The following NXN variants were observed in gnomAD, a reference collection of about 807,000 sequenced individuals.
The protein encoded by NXN is nucleoredoxin.
In NXN, 16 loss-of-function variants were observed where a neutral mutation model predicts 48.6. The observed-to-expected ratio is 0.33, with a 90% CI of 0.22 to 0.50. The LOEUF (loss-of-function observed/expected upper bound fraction) is 0.50. NXN is among the 20% of genes least tolerant of loss of function. The pLI, the probability that NXN is intolerant of heterozygous loss-of-function variation, is 0.98. For synonymous variants in NXN, 281 were observed against 269.6 expected, an observed-to-expected ratio of 1.04 and a Z score of -0.41; for missense variants, 492 against 605.5, an observed-to-expected ratio of 0.81 and a Z score of 1.97.
rs552708980 is a variant in NXN, at chr17:841,360, C to A, written c.361-15282G>T. ...GCCGCCAACCCTGCCAGGGCTGGGA[C>A]CCAGAGCAGCCCACACACGGTGCAT... On this transcript the variant is annotated intron_variant, in intron 1 of 7. Transcript: ENST00000336868. 2.7e-5 allele frequency among the ~76,000 whole-genome samples: 4 copies of A among 145,574 alleles called. 1 individual carries two copies. The highest frequency in any genetic ancestry group is 6.0e-5 in the Non-Finnish European group (4 of 66,478).
At position 840,964 on chromosome 17, in the gene NXN, C is replaced by T. The variant is rs150460409; in HGVS notation, c.361-14886G>A. On this transcript the variant is annotated intron_variant, in intron 1 of 7. Transcript: ENST00000336868. ...GTTCTGGCAGCCCCCACTCCTCCAC[C>T]GCACGGCGGCGGGAGGCAGAGTGTA... 1.3e-3 allele frequency among the ~76,000 whole-genome samples: 196 copies of T among 152,328 alleles called. No homozygotes were observed. In the South Asian group the frequency reaches 0.02, roughly 15 times the overall value.
intron 5 of NXN, among the ~76,000 whole-genome samples, chr17:815,228 T>C (rs532030): frequency 0.71 from 107,462 of 151,518 alleles, 39,741 homozygotes; most frequent in African/African-American, 0.91. Flanking sequence ...TCCATCCATA[T>C]GATGAGGGCC....
At chr17:805,772 A>G (rs1325840668) in intron 5 of NXN, among the ~76,000 whole-genome samples, 1 of 152,128 alleles carries the variant, frequency 6.6e-6, no homozygotes, top group Non-Finnish European at 1.5e-5. Flanking sequence ...CGGGAGGTGG[A>G]GGTTGCAGTG....
chr17:848,894 A>G (rs566865028), intron 1 of NXN, among the ~76,000 whole-genome samples: 1 of 152,292 alleles, frequency 6.6e-6, no homozygotes, highest in Non-Finnish European at 1.5e-5. Context: ...CCAAGTACCT[A>G]TCCACTGCTC....
At chr17:836,645 G>A (rs142865999) in intron 1 of NXN, among the ~76,000 whole-genome samples, 426 of 152,258 alleles carry the variant, frequency 2.8e-3, no homozygotes, top group African/African-American at 9.9e-3. Flanking sequence ...TTATTAGTGG[G>A]TGACCCTGGT....
intron 1 of NXN, among the ~76,000 whole-genome samples, chr17:967,916 A>G (rs1432847388): frequency 6.6e-6 from 1 of 152,018 alleles, no homozygotes; most frequent in African/African-American, 2.4e-5. Flanking sequence ...AGCTTGCAGC[A>G]AGCTGAGATC....
chr17:892,730 G>A (rs549488225), intron 1 of NXN, among the ~76,000 whole-genome samples: 4 of 152,314 alleles, frequency 2.6e-5, no homozygotes, highest in East Asian at 3.9e-4. Flanking sequence ...AGTGACAATC[G>A]AAAATGGTTC....
intron 1 of NXN, among the ~76,000 whole-genome samples, chr17:831,985 G>A (rs1913498617): frequency 6.6e-6 from 1 of 150,710 alleles, no homozygotes; most frequent in Non-Finnish European, 1.5e-5. Context: ...TGTGGGGCTT[G>A]GGGCTCCCAC....
intron 5 of NXN, among the ~76,000 whole-genome samples, chr17:806,044 C>G (rs1228137807): frequency 6.6e-6 from 1 of 151,910 alleles, no homozygotes; most frequent in Non-Finnish European, 1.5e-5. Context: ...GAGCGCAGGG[C>G]CAGTGCCGCC....
intron 1 of NXN, among the ~76,000 whole-genome samples, chr17:973,980 T>C (rs555043099): frequency 1.7e-4 from 26 of 151,254 alleles, no homozygotes; most frequent in Admixed American, 1.2e-3. Flanking sequence ...TGCCCGGCCA[T>C]TGTAGGGCAA....
intron 5 of NXN, among the ~76,000 whole-genome samples, chr17:811,144 G>C (rs1170597440): frequency 6.6e-6 from 1 of 152,192 alleles, no homozygotes; most frequent in East Asian, 1.9e-4. Flanking sequence ...AGGTGGCACA[G>C]GAGGGAAGAA....
chr17:811,949 A>AAG (rs1912047559), intron 5 of NXN, among the ~76,000 whole-genome samples: 1 of 101,414 alleles, frequency 9.9e-6, no homozygotes, highest in East Asian at 3.2e-4. Context: ...TTTTTTTGAG[A>AAG]CGGAGTCTCG....
In NXN at chr17:859,490, G is replaced by GA. The variant is rs199779425; in HGVS notation, c.361-33413dup. Among the ~76,000 whole-genome samples the GA allele has an allele frequency of 4.4e-3, 666 of 150,228 alleles. 7 individuals carry two copies. Among genetic ancestry groups the GA allele is most frequent in the Middle Eastern group, 0.02 (6 of 294 alleles). ...ACTTCCCCAAGACGTTTATTCAAAA[G>GA]AAAAAAAAATGGTTCCCAGCAACCC... On this transcript the variant is annotated intron_variant, in intron 1 of 7. Coordinates refer to ENST00000336868, the MANE Select transcript of NXN (RefSeq NM_022463.5).
At chr17:869,747 C>T (rs2068131680) in intron 1 of NXN, among the ~76,000 whole-genome samples, 1 of 152,194 alleles carries the variant, frequency 6.6e-6, no homozygotes, top group African/African-American at 2.4e-5. Context: ...AAAATCTTGA[C>T]GCTCTTTTTC....
At chr17:892,319 T>C (rs1355900333) in intron 1 of NXN, among the ~76,000 whole-genome samples, 1 of 152,042 alleles carries the variant, frequency 6.6e-6, no homozygotes, top group Non-Finnish European at 1.5e-5. Context: ...CTTAGGGCAT[T>C]TTAATTGGAC....
intron 1 of NXN, among the ~76,000 whole-genome samples, chr17:961,211 C>A (rs1015011316): frequency 6.6e-6 from 1 of 152,000 alleles, no homozygotes; most frequent in South Asian, 2.1e-4. Context: ...CTGGCCAACA[C>A]GACAAAAGCC....
intron 1 of NXN, among the ~76,000 whole-genome samples, chr17:934,813 G>A (rs1260420763): frequency 6.6e-6 from 1 of 152,010 alleles, no homozygotes. Context: ...GGCGGAGGGT[G>A]CAGTGAGCCG....
intron 5 of NXN, among the ~76,000 whole-genome samples, chr17:809,525 G>A (rs549757567): frequency 6.6e-6 from 1 of 152,282 alleles, no homozygotes; most frequent in South Asian, 2.1e-4. Flanking sequence ...ACCCTGGGAG[G>A]CAGAGAGGAG....
At chr17:832,586 G>A (rs1032483520) in intron 1 of NXN, among the ~76,000 whole-genome samples, 1 of 152,112 alleles carries the variant, frequency 6.6e-6, no homozygotes, top group African/African-American at 2.4e-5. Flanking sequence ...AACCTTGCCA[G>A]CTAAAGAAGA....
Sources: gnomAD v4.1 joint callset for allele counts (sites outside exome capture counted in the v4.1 genomes callset) on GRCh38, gnomAD v4.1.1 for gene constraint, MANE v1.5 for transcripts, NCBI Gene and HGNC (gene_info 2026-07-23, HGNC 2026-07-21) for gene names.